ADK: variants seen among roughly 807,000 people sequenced by gnomAD.
ADK encodes the protein adenosine kinase.
ADK carries 24 observed loss-of-function variants against 44.7 expected under a neutral mutation model. That is an observed-to-expected ratio of 0.54 (90% CI 0.39 to 0.76). The LOEUF (loss-of-function observed/expected upper bound fraction) is 0.76, where lower values mean the gene tolerates loss of function less well. Among genes scored for constraint, ADK ranks in the 30% least tolerant of loss-of-function variants. The pLI, the probability that ADK is intolerant of heterozygous loss-of-function variation, is 0.00. For missense variants in ADK, 321 were observed against 425.1 expected (o/e 0.76, Z 2.15); for synonymous variants, 128 against 142.6 (o/e 0.90, Z 0.73).
intron 6 of ADK, among the ~76,000 whole-genome samples, chr10:74,489,301 A>G (rs908417435): frequency 3.3e-5 from 5 of 151,982 alleles, no homozygotes; most frequent in African/African-American, 7.2e-5. Flanking sequence ...CAGAGATTAT[A>G]TAAGTGTCAA....
At chr10:74,692,838 C>CA (rs1280685421) in intron 10 of ADK, among the ~76,000 whole-genome samples, 5 of 152,162 alleles carry the variant, frequency 3.3e-5, no homozygotes, top group Non-Finnish European at 7.4e-5. Context: ...TCTGTAAGTA[C>CA]ACTCTGATGT....
In ADK at chr10:74,686,902, T is replaced by G. The variant is rs532740973; in HGVS notation, c.964+16633T>G. Among the ~76,000 whole-genome samples the G allele has an allele frequency of 5.7e-4, 86 of 152,142 alleles. 1 individual carries two copies. The highest frequency in any genetic ancestry group is 1.9e-3 in the African/African-American group (78 of 41,510). ...CATGTTGGCCAGGATGGTCTCTATA[T>G]CCTCACCTCGTGATCCACCCGCCTC... On this transcript the variant is annotated intron_variant, in intron 10 of 10. Transcript: ENST00000539909.
At chr10:74,464,917 G>T (rs575553770) in intron 6 of ADK, among the ~76,000 whole-genome samples, 5 of 152,036 alleles carry the variant, frequency 3.3e-5, no homozygotes, top group Non-Finnish European at 7.4e-5. Context: ...GCTTTGCATG[G>T]TTAATTTATT....
intron 1 of ADK, among the ~76,000 whole-genome samples, chr10:74,179,824 T>G (rs1470797810): frequency 6.6e-6 from 1 of 152,238 alleles, no homozygotes; most frequent in East Asian, 1.9e-4. Context: ...ATTTCTCTAA[T>G]AAACTTGCTT....
At chr10:74,284,374 C>A (rs1041664954) in intron 3 of ADK, among the ~76,000 whole-genome samples, 1 of 151,734 alleles carries the variant, frequency 6.6e-6, no homozygotes, top group African/African-American at 2.4e-5. Flanking sequence ...AAGTGAGTCT[C>A]CTGCCTCAGC....
At position 74,305,824 on chromosome 10, in the gene ADK, T is replaced by G. The variant is rs376820952; in HGVS notation, c.195-8843T>G. Among the ~76,000 whole-genome samples the G allele has an allele frequency of 1.8e-3, 267 of 152,328 alleles. 1 individual carries two copies. The highest frequency in any genetic ancestry group is 5.4e-3 in the African/African-American group (226 of 41,574). ...TCACTACAGCATCAAACTCTTGGAC[T>G]GAAGTGATCGTCCTGCCTCAACCTC... On this transcript the variant is annotated intron_variant, in intron 3 of 10. Coordinates refer to ENST00000539909, the MANE Select transcript of ADK (RefSeq NM_006721.4).
intron 10 of ADK, among the ~76,000 whole-genome samples, chr10:74,690,288 A>T (rs1276471645): frequency 6.6e-6 from 1 of 152,210 alleles, no homozygotes; most frequent in Non-Finnish European, 1.5e-5. Flanking sequence ...TGAACTCAGG[A>T]GTTTGTTACC....
At chr10:74,518,295 A>G (rs907532271) in intron 6 of ADK, among the ~76,000 whole-genome samples, 2 of 152,216 alleles carry the variant, frequency 1.3e-5, no homozygotes, top group Admixed American at 1.3e-4. Context: ...TTTCCTCATC[A>G]GTGCTAGTCT....
At chr10:74,382,773 CTT>C (rs1022985318) in intron 4 of ADK, among the ~76,000 whole-genome samples, 11 of 151,946 alleles carry the variant, frequency 7.2e-5, no homozygotes, top group Admixed American at 2.0e-4. Context: ...CCTTTTTGCT[CTT>C]TTTCTTGAAA....
In ADK at chr10:74,511,926, G is replaced by A. The variant is rs149138948; in HGVS notation, c.556-13330G>A. 9.2e-5 allele frequency among the ~76,000 whole-genome samples: 14 copies of A among 152,246 alleles called. No homozygotes were observed. The East Asian group carries it at 1.7e-3, about 19-fold the overall frequency. On this transcript the variant is annotated intron_variant, in intron 6 of 10. Coordinates refer to ENST00000539909, the MANE Select transcript of ADK (RefSeq NM_006721.4). ...GGTTTCAGTAAGATGCTAGCTGTGA[G>A]TTTGTCATGTTGAGGTAATTTCAAC...
At chr10:74,329,090 TA>T (rs1425964430) in intron 4 of ADK, among the ~76,000 whole-genome samples, 1 of 65,060 alleles carries the variant, frequency 1.5e-5, no homozygotes, top group Admixed American at 1.9e-4. Flanking sequence ...AAATAAAATC[TA>T]ATCTTCTGTG....
At chr10:74,622,577 G>C (rs748118929) in intron 9 of ADK, among the ~76,000 whole-genome samples, 7 of 151,988 alleles carry the variant, frequency 4.6e-5, no homozygotes, top group Non-Finnish European at 1.0e-4. Flanking sequence ...AAGTTAAGTG[G>C]GCTTATCTGT....
chr10:74,556,891 G>A (rs1271316098), intron 7 of ADK, among the ~76,000 whole-genome samples: 2 of 152,178 alleles, frequency 1.3e-5, no homozygotes, highest in African/African-American at 4.8e-5. Flanking sequence ...CACATTTAGA[G>A]TGTGTTGTAG....
chr10:74,434,322 CTG>C (rs1423557388), intron 6 of ADK, among the ~76,000 whole-genome samples: 5 of 152,064 alleles, frequency 3.3e-5, no homozygotes, highest in Admixed American at 3.3e-4. Flanking sequence ...AAAGTGTAGT[CTG>C]AGAACTATTT....
intron 9 of ADK, among the ~76,000 whole-genome samples, chr10:74,625,014 G>A (rs1233941452): frequency 6.6e-6 from 1 of 152,064 alleles, no homozygotes; most frequent in African/African-American, 2.4e-5. Flanking sequence ...ATGCAGTAAT[G>A]TAACAGCACA....
intron 3 of ADK, among the ~76,000 whole-genome samples, chr10:74,303,769 A>G (rs1840158512): frequency 6.6e-6 from 1 of 151,110 alleles, no homozygotes; most frequent in South Asian, 2.1e-4. Context: ...GGAGTTCGAG[A>G]CCAGCCTGGC....
chr10:74,561,410 G>A (rs941135772), intron 7 of ADK, among the ~76,000 whole-genome samples: 7 of 152,198 alleles, frequency 4.6e-5, no homozygotes, highest in Non-Finnish European at 1.0e-4. Flanking sequence ...GAAAAGACTA[G>A]GAGTCTGAGG....
chr10:74,305,052 C>T (rs1284613280), intron 3 of ADK, among the ~76,000 whole-genome samples: 1 of 152,134 alleles, frequency 6.6e-6, no homozygotes. Flanking sequence ...TGCATATCCT[C>T]CCATGTACTT....
At chr10:74,428,688 A>G (rs1844881873) in intron 6 of ADK, among the ~76,000 whole-genome samples, 1 of 152,250 alleles carries the variant, frequency 6.6e-6, no homozygotes, top group African/African-American at 2.4e-5. Flanking sequence ...AGATCAGGCA[A>G]AAATCATCAA....
Sources: gnomAD v4.1 joint callset for allele counts (sites outside exome capture counted in the v4.1 genomes callset) on GRCh38, gnomAD v4.1.1 for gene constraint, MANE v1.5 for transcripts, NCBI Gene and HGNC (gene_info 2026-07-23, HGNC 2026-07-21) for gene names.